The following TRIM41 variants were observed in gnomAD, a reference collection of about 807,000 sequenced individuals.
TRIM41 encodes tripartite motif containing 41, also known as E3 ubiquitin-protein ligase TRIM41.
Under a neutral mutation model 60.6 loss-of-function variants are expected in TRIM41, and 21 were observed. The observed-to-expected ratio is 0.35, with a 90% CI of 0.25 to 0.50. The LOEUF is 0.50. Among genes scored for constraint, TRIM41 ranks in the 20% least tolerant of loss-of-function variants. The pLI is 0.98. For missense variants in TRIM41, 846 were observed against 868.3 expected, an observed-to-expected ratio of 0.97 and a Z score of 0.32; for synonymous variants, 407 against 344.9, an observed-to-expected ratio of 1.18 and a Z score of -2.00.
In TRIM41 at chr5:181,233,773, T is replaced by G. The variant is rs1202860365; in HGVS notation, c.1291+10T>G. On this transcript the variant is annotated intron_variant, in intron 5 of 5. Coordinates refer to ENST00000315073, the MANE Select transcript of TRIM41 (RefSeq NM_033549.5). The surrounding 1 kb of genome is among the most constrained non-coding windows in gnomAD (Gnocchi z 4.1). ...TGTCAGGCTGCGAGAGGTAGGGAGGTCACCTCCACGACCTTCCTTTGCCTT... is the reference window on the plus strand; with the variant it reads ...TGTCAGGCTGCGAGAGGTAGGGAGGGCACCTCCACGACCTTCCTTTGCCTT... The G allele has an allele frequency of 6.2e-7, 1 of 1,613,782 alleles. No individual in the cohort carries two copies. Among genetic ancestry groups the G allele is most frequent in the Non-Finnish European group, 8.5e-7 (1 of 1,179,974 alleles).
rs55879636 is a variant in TRIM41, at chr5:181,223,537, C to A, written c.-463C>A. ...CTCCCGCCCTGTTCTCTAGTGCGGACTAGAGCGTCTCCTCGCCATTTCCTG... is the reference window on the plus strand; with the variant it reads ...CTCCCGCCCTGTTCTCTAGTGCGGAATAGAGCGTCTCCTCGCCATTTCCTG... On this transcript the variant is annotated 5_prime_UTR_variant, in exon 1 of 6. Coordinates refer to ENST00000315073, the MANE Select transcript of TRIM41 (RefSeq NM_033549.5). 0.056 allele frequency: 25,114 copies of A among 445,164 alleles called. 1,504 individuals carry two copies. The highest frequency in any genetic ancestry group is 0.21 in the African/African-American group (10,859 of 50,574). The allele number at this position is 445,164 out of a possible 1,614,324, so 27.6% of individuals were successfully genotyped here. A position where few individuals can be genotyped will look rare whatever the true frequency, so the allele number is the denominator to read the frequency against.
intron 3 of TRIM41, 28 bp downstream of exon 3, chr5:181,232,917 C>A: frequency 6.5e-7 from 1 of 1,533,792 alleles, no homozygotes; most frequent in Non-Finnish European, 8.7e-7. Context: ...CCTGTTCCCC[C>A]AGCATTCTGT....
At chr5:181,232,943 G>A (rs1347869703) in intron 3 of TRIM41, 54 bp downstream of exon 3, 2 of 1,510,164 alleles carry the variant, frequency 1.3e-6, no homozygotes, top group Admixed American at 3.9e-5. Flanking sequence ...CTGTCAGGCA[G>A]TGCTTACCAA....
chr5:181,232,839 C>T lies in TRIM41; in HGVS notation c.1090C>T (p.Leu364=). Residue 364 remains leucine, a synonymous_variant, in exon 3 of 6, where the codon CTG becomes TTG. Transcript: ENST00000315073. ...AEQAAQLSRL[L]AEAQERSQQG... Reference sequence around the variant, plus strand: ...ACAGGCCGCCCAGCTCAGCCGCCTGCTGGCAGAGGCCCAGGAGCGGAGCCA... The same window carrying T: ...ACAGGCCGCCCAGCTCAGCCGCCTGTTGGCAGAGGCCCAGGAGCGGAGCCA... The T allele has an allele frequency of 6.4e-7, 1 of 1,562,268 alleles. No individual in the cohort carries two copies. The highest frequency in any genetic ancestry group is 1.4e-5 in the African/African-American group (1 of 73,822).
chr5:181,232,903 C>T lies in TRIM41; in HGVS notation c.1140+14C>T. The T allele has an allele frequency of 6.5e-7, 1 of 1,536,226 alleles. No homozygotes were observed. The highest frequency in any genetic ancestry group is 8.7e-7 in the Non-Finnish European group (1 of 1,145,332). On this transcript the variant is annotated intron_variant, in intron 3 of 5. Coordinates refer to ENST00000315073, the MANE Select transcript of TRIM41 (RefSeq NM_033549.5). ...CGGCTGCTCCAGGTGAGCAATGTCCCCTCCCTGTTCCCCCAGCATTCTGTG... is the reference window on the plus strand; with the variant it reads ...CGGCTGCTCCAGGTGAGCAATGTCCTCTCCCTGTTCCCCCAGCATTCTGTG...
intron 2 of TRIM41, chr5:181,232,419 G>C (rs1439099465): frequency 1.9e-6 from 1 of 516,110 alleles, no homozygotes; most frequent in African/African-American, 2.0e-5. Context: ...GTCAACTTAG[G>C]TAGAGTCAGG....
In TRIM41 at chr5:181,234,820, T is replaced by C. The variant is rs1561675497; in HGVS notation, c.*45T>C. 10 of 1,605,292 alleles carry C rather than the reference T, an allele frequency of 6.2e-6. No individual in the cohort carries two copies. The highest frequency in any genetic ancestry group is 1.7e-5 in the Admixed American group (1 of 59,192). ...GGCCCCTCTGTCAGCACTTGGGGGG[T>C]GGGTGGTGGAGGGTGGCCCGTAAGT... On this transcript the variant is annotated 3_prime_UTR_variant, in exon 6 of 6. Transcript: ENST00000315073. This position sits in a 1 kb window ranked among gnomAD's most constrained non-coding sequence, Gnocchi z 5.6.
At chr5:181,232,501 G>A (rs1355060545) in intron 2 of TRIM41, 158 bp from the exon 3 acceptor site, 2 of 670,120 alleles carry the variant, frequency 3.0e-6, no homozygotes, top group African/African-American at 1.8e-5. Context: ...GGTGGTATCT[G>A]GTAAGGCTGG....
At position 181,234,723 on chromosome 5, in the gene TRIM41, T is replaced by G. The variant is rs1361969798; in HGVS notation, c.1841T>G (p.Phe614Cys). Residue 614 changes from phenylalanine (F) to cysteine (C), a missense_variant, in exon 6 of 6, where the codon TTT becomes TGT. By Grantham distance (205) the Phe-to-Cys change is radical (BLOSUM62 -2). Coordinates refer to ENST00000315073, the MANE Select transcript of TRIM41 (RefSeq NM_033549.5). The surrounding 1 kb of genome is among the most constrained non-coding windows in gnomAD (Gnocchi z 5.6). ...GCTGCCTTCCTGGGCGAGCGTGTCT[T>G]TCCTTTCTTCCGGGTGCTCTCCAAG... is the stretch of plus-strand genomic sequence containing the variant. Reference protein sequence around the residue: ...FSAAFLGERVFPFFRVLSKGT... With the variant: ...FSAAFLGERVCPFFRVLSKGT... The G allele has an allele frequency of 6.2e-7, 1 of 1,614,008 alleles. No individual in the cohort carries two copies. The highest frequency in any genetic ancestry group is 8.5e-7 in the Non-Finnish European group (1 of 1,180,006).
intron 1 of TRIM41, chr5:181,228,626 A>G (rs144652237): frequency 1.4e-5 from 2 of 144,242 alleles, no homozygotes; most frequent in African/African-American, 5.2e-5. Context: ...TGTGCTTATT[A>G]ATTTTTGTTT....
chr5:181,225,099 C>A, intron 1 of TRIM41: 1 of 487,868 alleles, frequency 2.0e-6, no homozygotes, highest in South Asian at 2.2e-5. Flanking sequence ...CCAGAAGTCT[C>A]GTTTTCTTTC....
At position 181,235,563 on chromosome 5, in the gene TRIM41, C is replaced by G. The variant is rs1364630025; in HGVS notation, c.*788C>G. 11 of 888,650 alleles carry G rather than the reference C, an allele frequency of 1.2e-5. No individual in the cohort carries two copies. The highest frequency in any genetic ancestry group is 8.6e-6 in the Non-Finnish European group (5 of 581,272). 55.0% of individuals were successfully genotyped at this position (888,650 alleles called of 1,614,324 possible). ...CTGCCAGGCTCCTCTCCCCTTTGTT[C>G]AGTGGAGCTGGCTTTTCTCCCAGCC... On this transcript the variant is annotated 3_prime_UTR_variant, in exon 6 of 6. Transcript: ENST00000315073.
At position 181,223,633 on chromosome 5, in the gene TRIM41, T is replaced by G. The variant is rs758316627; in HGVS notation, c.-367T>G. The G allele has an allele frequency of 4.2e-6, 2 of 476,738 alleles. No homozygotes were observed. Among genetic ancestry groups the G allele is most frequent in the Non-Finnish European group, 7.4e-6 (2 of 271,250 alleles). The allele number at this position is 476,738 out of a possible 1,614,324, so 29.5% of individuals were successfully genotyped here. On this transcript the variant is annotated 5_prime_UTR_variant, in exon 1 of 6. Coordinates refer to ENST00000315073, the MANE Select transcript of TRIM41 (RefSeq NM_033549.5). ...GGAGGGAAGTCGCGAGCTTAGGTGG[T>G]GTGTAGACGCCGGAAGTGTTGGGAA... is the stretch of plus-strand genomic sequence containing the variant.
In TRIM41 at chr5:181,234,418, G is replaced by A; in HGVS notation, c.1536G>A (p.Lys512=). ...AARESTHHKE[K]VGPGGSSVGS... is the part of the protein sequence containing the mutation. ...GTGAATCAACCCATCATAAGGAAAAGGTGGGCCCTGGGGGTTCCTCCGTGG... is the reference window on the plus strand; with the variant it reads ...GTGAATCAACCCATCATAAGGAAAAAGTGGGCCCTGGGGGTTCCTCCGTGG... The change falls in exon 6 of 6, where the codon AAG becomes AAA. Residue 512 remains lysine (K), a synonymous_variant. Transcript: ENST00000315073. This position sits in a 1 kb window ranked among gnomAD's most constrained non-coding sequence, Gnocchi z 5.6. The A allele has an allele frequency of 6.3e-7, 1 of 1,582,892 alleles. No individual in the cohort carries two copies. The highest frequency in any genetic ancestry group is 1.3e-5 in the African/African-American group (1 of 74,124).
In TRIM41 at chr5:181,223,978, C is replaced by CA; in HGVS notation, c.-21dup. On this transcript the variant is annotated 5_prime_UTR_variant, in exon 1 of 6. Coordinates refer to ENST00000315073, the MANE Select transcript of TRIM41 (RefSeq NM_033549.5). Reference sequence around the variant, plus strand: ...CCCTCGCCCCCCCACCGAACCTCTACACTGGCTGGCTGGACACTAAGATGG... The same window carrying CA: ...CCCTCGCCCCCCCACCGAACCTCTACAACTGGCTGGCTGGACACTAAGATGG... 2.5e-6 allele frequency: 4 copies of CA among 1,592,346 alleles called. No individual in the cohort carries two copies. The highest frequency in any genetic ancestry group is 3.4e-6 in the Non-Finnish European group (4 of 1,165,134).
intron 1 of TRIM41, chr5:181,227,489 A>T (rs1244654375): frequency 6.6e-6 from 1 of 152,098 alleles, no homozygotes; most frequent in Non-Finnish European, 1.5e-5. Context: ...AGCTGGGACT[A>T]CAGGCGACTG....
At chr5:181,227,225 T>G (rs1758589973) in intron 1 of TRIM41, 1 of 152,198 alleles carries the variant, frequency 6.6e-6, no homozygotes, top group South Asian at 2.1e-4. Flanking sequence ...GGAGGCCATA[T>G]ACACATATTT....
At chr5:181,226,365 A>G (rs1418521564) in intron 1 of TRIM41, 2 of 152,234 alleles carry the variant, frequency 1.3e-5, no homozygotes, top group Non-Finnish European at 2.9e-5. Flanking sequence ...TTGGCCTCCC[A>G]AAGTGCTGGG....
rs1158471888 is a variant in TRIM41 at position 181,223,308 on chromosome 5, C to G, written c.-692C>G. On this transcript the variant is annotated 5_prime_UTR_variant, in exon 1 of 6. Transcript: ENST00000315073. Reference sequence around the variant, plus strand: ...TTCCGGCATCGGCTGTGGGGAGTACCGGCTGCAGTCGGCTGTGCCGGGAGG... The same window carrying G: ...TTCCGGCATCGGCTGTGGGGAGTACGGGCTGCAGTCGGCTGTGCCGGGAGG... The G allele has an allele frequency of 6.5e-5, 26 of 399,080 alleles. No homozygotes were observed. Among genetic ancestry groups the G allele is most frequent in the Non-Finnish European group, 3.1e-5 (7 of 226,496 alleles). 24.7% of individuals were successfully genotyped at this position (399,080 alleles called of 1,614,324 possible).
Sources: gnomAD v4.1 joint callset for allele counts on GRCh38, gnomAD v4.1.1 for gene constraint, Gnocchi (gnomAD v3.1) non-coding constraint, MANE v1.5 for transcripts, NCBI Gene and HGNC (gene_info 2026-07-23, HGNC 2026-07-21) for gene names.